The following VGLL4 variants were observed in gnomAD, a reference collection of about 807,000 sequenced individuals.
VGLL4 encodes the protein vestigial like family member 4, also known as transcription cofactor vestigial-like protein 4.
Under a neutral mutation model 21.0 loss-of-function variants are expected in VGLL4, and 7 were observed. That is an observed-to-expected ratio of 0.33 (90% CI 0.19 to 0.63). The LOEUF is 0.63. VGLL4 is among the 20% of genes least tolerant of loss of function. VGLL4 has a pLI of 0.78. For synonymous variants in VGLL4, 222 were observed against 173.2 expected (o/e 1.28, Z -2.21); for missense variants, 394 against 425.7 (o/e 0.93, Z 0.66).
chr3:11,658,973 G>A (rs554990808), intron 2 of VGLL4, among the ~76,000 whole-genome samples: 5 of 152,170 alleles, frequency 3.3e-5, no homozygotes, highest in East Asian at 1.9e-4. Context: ...GCACCTCCAG[G>A]CGTCAGGCAC....
Position 11,565,042 on chromosome 3 carries a change from CAG to C in VGLL4, c.273-25_273-24del. ...TTCCTGAAAAAGAGGAATGGGCATT[CAG>C]GGGGCGTTTTCTCAAAGGCAAAGGG... is the stretch of plus-strand genomic sequence containing the variant. On this transcript the variant is annotated intron_variant, in intron 2 of 4. Transcript: ENST00000430365. This position sits in a 1 kb window ranked among gnomAD's most constrained non-coding sequence, Gnocchi z 4.1. 6.8e-7 allele frequency: 1 copy of C among 1,466,226 alleles called. No homozygotes were observed. Among genetic ancestry groups the C allele is most frequent in the Non-Finnish European group, 9.0e-7 (1 of 1,110,344 alleles). 90.8% of individuals were successfully genotyped at this position (1,466,226 alleles called of 1,614,324 possible). A position where few individuals can be genotyped will look rare whatever the true frequency, so the allele number is the denominator to read the frequency against.
Position 11,719,549 on chromosome 3 carries a change from C to G in VGLL4, c.-14+845G>C, listed in dbSNP as rs1406595108. On this transcript the variant is annotated intron_variant, in intron 1 of 5. Coordinates refer to the VGLL4 transcript ENST00000273038. The surrounding 1 kb of genome is among the most constrained non-coding windows in gnomAD (Gnocchi z 4.0). ...ACGCACAGGCGGGCTCGCGCCCGAG[C>G]CCCCGCACGGGCCCCCGCCAAACAC... 1 of 150,958 alleles carries G rather than the reference C, an allele frequency of 6.6e-6. No individual in the cohort carries two copies. The highest frequency in any genetic ancestry group is 2.4e-5 in the African/African-American group (1 of 41,348). 9.4% of individuals were successfully genotyped at this position (150,958 alleles called of 1,614,324 possible). A position where few individuals can be genotyped will look rare whatever the true frequency, so the allele number is the denominator to read the frequency against.
At chr3:11,712,624 T>G (rs2076863700) in intron 1 of VGLL4, among the ~76,000 whole-genome samples, 1 of 152,188 alleles carries the variant, frequency 6.6e-6, no homozygotes, top group Non-Finnish European at 1.5e-5. Context: ...CTGAAGCAAC[T>G]AAGACTAGAA....
In VGLL4 at chr3:11,568,793, C is replaced by T. The variant is rs2073655479; in HGVS notation, c.273-3774G>A. The T allele has an allele frequency of 1.6e-5, 23 of 1,447,300 alleles. 1 individual carries two copies. The South Asian group carries it at 2.0e-4, about 13-fold the overall frequency. The allele number at this position is 1,447,300 out of a possible 1,614,324, so 89.7% of individuals were successfully genotyped here. The stretch of plus-strand genomic sequence containing the variant: ...CTCCGCTCCTGGTCAGGACTGTGCC[C>T]GAGAGAGCCCACGGCATCCCCGCGA... On this transcript the variant is annotated intron_variant, in intron 2 of 4. Transcript: ENST00000430365. This position sits in a 1 kb window ranked among gnomAD's most constrained non-coding sequence, Gnocchi z 5.9.
At chr3:11,566,162 T>C (rs979724892) in intron 2 of VGLL4, among the ~76,000 whole-genome samples, 2 of 152,106 alleles carry the variant, frequency 1.3e-5, no homozygotes, top group African/African-American at 4.8e-5. Context: ...ACAATGAATG[T>C]TACACACACA....
intron 1 of VGLL4, among the ~76,000 whole-genome samples, chr3:11,716,138 C>A (rs1032818951): frequency 6.6e-6 from 1 of 151,804 alleles, no homozygotes; most frequent in South Asian, 2.1e-4. Flanking sequence ...CCCGTATCTA[C>A]TAAAAATACA....
chr3:11,663,485 G>A (rs745676278), intron 2 of VGLL4, among the ~76,000 whole-genome samples: 25 of 152,134 alleles, frequency 1.6e-4, no homozygotes, highest in African/African-American at 5.3e-4. Context: ...TAGGGAGGCC[G>A]AGGCAGGCAA....
chr3:11,572,503 A>G (rs1401979611), intron 2 of VGLL4, among the ~76,000 whole-genome samples: 1 of 152,210 alleles, frequency 6.6e-6, no homozygotes, highest in Non-Finnish European at 1.5e-5. Flanking sequence ...ATGCAGACGC[A>G]TGAGGTCCCT....
chr3:11,646,422 A>G (rs923498080), upstream of VGLL4, among the ~76,000 whole-genome samples: 1 of 152,056 alleles, frequency 6.6e-6, no homozygotes, highest in African/African-American at 2.4e-5. Flanking sequence ...ACCAGGGGGG[A>G]GCTTTTAAAA....
Position 11,643,614 on chromosome 3 carries a change from A to C in VGLL4, c.-96T>G, listed in dbSNP as rs542361185. 1 of 1,586,336 alleles carries C rather than the reference A, an allele frequency of 6.3e-7. No individual in the cohort carries two copies. Among genetic ancestry groups the C allele is most frequent in the Admixed American group, 1.7e-5 (1 of 57,588 alleles). ...TTGCTGAGTAGCTCCTGGCTCTTCA[A>C]CTTCACAAAGGCAGAGGCCCAGCCT... On this transcript the variant is annotated 5_prime_UTR_variant, in exon 1 of 5. Transcript: ENST00000430365.
intron 1 of VGLL4, among the ~76,000 whole-genome samples, chr3:11,640,791 G>A (rs534394627): frequency 4.3e-4 from 65 of 152,218 alleles, no homozygotes; most frequent in African/African-American, 1.3e-3. Context: ...TAAAAAGATC[G>A]ATTTGCGTAT....
intron 2 of VGLL4, among the ~76,000 whole-genome samples, chr3:11,684,020 G>A (rs1393160034): frequency 6.6e-6 from 1 of 152,076 alleles, no homozygotes; most frequent in African/African-American, 2.4e-5. Flanking sequence ...AGGCCAGCCT[G>A]GCCAACATGG....
intron 1 of VGLL4, among the ~76,000 whole-genome samples, chr3:11,640,006 A>G (rs1037440759): frequency 1.3e-5 from 2 of 152,224 alleles, no homozygotes; most frequent in African/African-American, 4.8e-5. Context: ...TCTGAAAAAC[A>G]GAGTTTCCCT....
intron 1 of VGLL4, 104 bp downstream of exon 1, chr3:11,643,333 A>G: frequency 6.3e-7 from 1 of 1,574,836 alleles, no homozygotes; most frequent in Non-Finnish European, 8.7e-7. Context: ...AGTGCCCTAC[A>G]CCCCGGAGGA....
At chr3:11,678,655 G>A (rs781583625) in intron 2 of VGLL4, among the ~76,000 whole-genome samples, 2 of 152,064 alleles carry the variant, frequency 1.3e-5, no homozygotes, top group African/African-American at 2.4e-5. Context: ...ATCGCACCAC[G>A]GCACTACAGC....
intron 1 of VGLL4, among the ~76,000 whole-genome samples, chr3:11,635,532 C>T (rs910007016): frequency 1.3e-5 from 2 of 152,196 alleles, no homozygotes; most frequent in African/African-American, 4.8e-5. Flanking sequence ...AAGGTCCTCT[C>T]CCACTCACTC....
intron 2 of VGLL4, among the ~76,000 whole-genome samples, chr3:11,665,507 T>C (rs923298427): frequency 2.6e-5 from 4 of 152,226 alleles, no homozygotes; most frequent in African/African-American, 9.6e-5. Context: ...CACACTGTGC[T>C]GCCAGCCACA....
intron 1 of VGLL4, among the ~76,000 whole-genome samples, chr3:11,718,795 C>T (rs1251577730): frequency 6.6e-6 from 1 of 152,084 alleles, no homozygotes; most frequent in Admixed American, 6.6e-5. Context: ...CCTACCCTCC[C>T]GCGCCAGGCT....
At position 11,558,639 on chromosome 3, in the gene VGLL4, C is replaced by T. The variant is rs762537180; in HGVS notation, c.808G>A (p.Glu270Lys). Residue 270 changes from glutamate (E) to lysine (K), a missense_variant, in exon 5 of 5, where the codon GAG becomes AAG. Coordinates refer to ENST00000430365, the MANE Select transcript of VGLL4 (RefSeq NM_001128219.3). ...GGCTGGCCCCTGCGAGAGGCGGACT[C>T]AGGGCTGCTGGATGCTCCGTCCTTG... ...AAKDGASSSP[E>K]SASRRGQPAS... 6.2e-7 allele frequency: 1 copy of T among 1,611,106 alleles called. No individual in the cohort carries two copies. The highest frequency in any genetic ancestry group is 1.1e-5 in the South Asian group (1 of 91,090).
Sources: allele counts gnomAD v4.1 joint callset (sites outside exome capture counted in the v4.1 genomes callset), GRCh38; gene constraint gnomAD v4.1.1; non-coding constraint Gnocchi (gnomAD v3.1); transcripts MANE v1.5; gene names NCBI Gene and HGNC (gene_info 2026-07-23, HGNC 2026-07-21).